The following PPCS variants were observed in gnomAD, a reference collection of about 807,000 sequenced individuals.
PPCS encodes the protein phosphopantothenate--cysteine ligase.
Under a neutral mutation model 24.6 loss-of-function variants are expected in PPCS, and 17 were observed. The observed-to-expected ratio is 0.69, with a 90% CI of 0.47 to 1.04. The LOEUF (loss-of-function observed/expected upper bound fraction) is 1.04. Among genes scored for constraint, PPCS ranks in the 50% least tolerant of loss-of-function variants. The pLI is 0.00. For missense variants in PPCS, 360 were observed against 402.8 expected (o/e 0.89, Z 0.91); for synonymous variants, 190 against 168.3 (o/e 1.13, Z -1.00).
Position 42,460,947 on chromosome 1 carries a change from C to T in PPCS, c.*1021C>T, listed in dbSNP as rs552815572. Reference sequence around the variant, plus strand: ...CCACTGCCCTGCTTAATCTTTGAATCCTTGAGAATCTTTGAAAAACTTTCA... The same window carrying T: ...CCACTGCCCTGCTTAATCTTTGAATTCTTGAGAATCTTTGAAAAACTTTCA... On this transcript the variant is annotated 3_prime_UTR_variant, in exon 3 of 3. Transcript: ENST00000372561. 9.2e-5 allele frequency among the ~76,000 whole-genome samples: 14 copies of T among 152,332 alleles called. 1 individual carries two copies. The highest frequency in any genetic ancestry group is 3.4e-4 in the African/African-American group (14 of 41,574).
Position 42,457,595 on chromosome 1 carries a change from G to A in PPCS, c.612+245G>A, listed in dbSNP as rs897094241. 9.6e-6 allele frequency: 5 copies of A among 522,280 alleles called. No homozygotes were observed. The African/African-American group carries it at 9.6e-5, about 10-fold the overall frequency. The allele number at this position is 522,280 out of a possible 1,614,324, so 32.4% of individuals were successfully genotyped here. A position where few individuals can be genotyped will look rare whatever the true frequency, so the allele number is the denominator to read the frequency against. On this transcript the variant is annotated intron_variant, in intron 2 of 2. Coordinates refer to ENST00000372561, the MANE Select transcript of PPCS (RefSeq NM_024664.4). ...ATGTACAAAGTGCAGTCAGATCATG[G>A]GGCGAGTGAATCCTGGGGGAGTCGA...
chr1:42,465,302 C>T (rs1643536355), downstream of PPCS, among the ~76,000 whole-genome samples: 2 of 152,066 alleles, frequency 1.3e-5, no homozygotes, highest in Non-Finnish European at 2.9e-5. Flanking sequence ...CAGAGTGAGA[C>T]CCTGTCTCAA....
chr1:42,471,301 C>A (rs1431494860), intron 2 of PPCS, among the ~76,000 whole-genome samples: 1 of 152,174 alleles, frequency 6.6e-6, no homozygotes, highest in Non-Finnish European at 1.5e-5. Context: ...CCCTACTCCA[C>A]CCCTACAGCA....
In PPCS at chr1:42,466,981, C is replaced by G. The variant is rs565953501; in HGVS notation, n.378-6141C>G. 1.1e-3 allele frequency among the ~76,000 whole-genome samples: 166 copies of G among 152,276 alleles called. 1 individual carries two copies. The highest frequency in any genetic ancestry group is 2.1e-3 in the Non-Finnish European group (144 of 68,018). On this transcript the variant is annotated intron_variant and non_coding_transcript_variant, in intron 2 of 2. Coordinates refer to the PPCS transcript ENST00000471420. The stretch of plus-strand genomic sequence containing the variant: ...AGAATTTAAAAGTTAATCATCAGGT[C>G]TCAATAAATCCACTGGGAAAATGTT...
chr1:42,456,508 G>C, upstream of PPCS: 1 of 1,430,360 alleles, frequency 7.0e-7, no homozygotes, highest in Non-Finnish European at 9.1e-7. Context: ...AGGTAGGCGA[G>C]AAGGGGCGTG....
intron 2 of PPCS, among the ~76,000 whole-genome samples, chr1:42,470,209 G>C (rs748078291): frequency 6.6e-6 from 1 of 152,088 alleles, no homozygotes; most frequent in Non-Finnish European, 1.5e-5. Context: ...AGGATGTAAT[G>C]GTCCAGAGAT....
chr1:42,462,867 C>A (rs1396177982), downstream of PPCS, among the ~76,000 whole-genome samples: 2 of 152,192 alleles, frequency 1.3e-5, no homozygotes, highest in African/African-American at 4.8e-5. Context: ...ATTTATCTTA[C>A]GTGCCCCACG....
At chr1:42,473,079 G>T (rs1306816752) in intron 2 of PPCS, 1 of 1,221,810 alleles carries the variant, frequency 8.2e-7, no homozygotes, top group Non-Finnish European at 1.0e-6. Context: ...TCAGTTGTGT[G>T]TGTGTGTGTG....
rs764998252 is a variant in PPCS at position 42,459,964 on chromosome 1, C to T, written c.*38C>T. ...TTATAGGATCAAAAATTGTTCAGGGCTCTTAGAGATGGTGAAAACTACAAA... is the reference window on the plus strand; with the variant it reads ...TTATAGGATCAAAAATTGTTCAGGGTTCTTAGAGATGGTGAAAACTACAAA... On this transcript the variant is annotated 3_prime_UTR_variant, in exon 3 of 3. Coordinates refer to ENST00000372561, the MANE Select transcript of PPCS (RefSeq NM_024664.4). 1.0e-5 allele frequency: 16 copies of T among 1,539,852 alleles called. No individual in the cohort carries two copies. Among genetic ancestry groups the T allele is most frequent in the Non-Finnish European group, 1.4e-5 (16 of 1,150,186 alleles).
At position 42,456,845 on chromosome 1, in the gene PPCS, C is replaced by T; in HGVS notation, c.280C>T (p.His94Tyr). 18 of 1,613,536 alleles carry T rather than the reference C, an allele frequency of 1.1e-5. No homozygotes were observed. The highest frequency in any genetic ancestry group is 1.4e-5 in the Non-Finnish European group (16 of 1,180,044). Residue 94 changes from histidine (H) to tyrosine (Y), a missense_variant, in exon 1 of 3, where the codon CAC (histidine) becomes TAC (tyrosine). By Grantham distance (83) the His-to-Tyr change is moderately conservative (BLOSUM62 2). Transcript: ENST00000372561. ...CGCTCGCTCTGCCTTCCCCTATGCC[C>T]ACCGCTTCCCACCCCAGACTTGGCT... ...YRARSAFPYA[H>Y]RFPPQTWLSA... is the part of the protein sequence containing the mutation.
intron 2 of PPCS, chr1:42,459,320 G>C (rs977356654): frequency 7.8e-5 from 28 of 358,244 alleles, no homozygotes; most frequent in African/African-American, 4.9e-4. Context: ...GTGCCACCAT[G>C]CTTGGCTAAT....
upstream of PPCS, chr1:42,456,414 C>A: frequency 2.4e-6 from 2 of 846,410 alleles, no homozygotes; most frequent in Non-Finnish European, 3.5e-6. Flanking sequence ...AACAACTACG[C>A]ATTTCCAGAC....
At position 42,457,610 on chromosome 1, in the gene PPCS, G is replaced by T; in HGVS notation, c.612+260G>T. ...TCAGATCATGGGGCGAGTGAATCCTGGGGGAGTCGATGAAGCTTCTTGGAG... is the reference window on the plus strand; with the variant it reads ...TCAGATCATGGGGCGAGTGAATCCTTGGGGAGTCGATGAAGCTTCTTGGAG... On this transcript the variant is annotated intron_variant, in intron 2 of 2. Coordinates refer to ENST00000372561, the MANE Select transcript of PPCS (RefSeq NM_024664.4). The T allele has an allele frequency of 8.2e-6, 4 of 485,746 alleles. No homozygotes were observed. The South Asian group carries it at 1.0e-4, about 12-fold the overall frequency. 30.1% of individuals were successfully genotyped at this position (485,746 alleles called of 1,614,324 possible).
chr1:42,472,190 G>A (rs774886937), intron 2 of PPCS, among the ~76,000 whole-genome samples: 9 of 152,010 alleles, frequency 5.9e-5, no homozygotes, highest in Admixed American at 1.3e-4. Context: ...GGAGGCAGAG[G>A]TACAGTGAGC....
chr1:42,468,896 A>C (rs997327634), intron 2 of PPCS, among the ~76,000 whole-genome samples: 15 of 152,168 alleles, frequency 9.9e-5, no homozygotes, highest in Non-Finnish European at 1.9e-4. Flanking sequence ...AGCTAAAGGC[A>C]GGGTTTTCCT....
intron 2 of PPCS, among the ~76,000 whole-genome samples, chr1:42,469,554 G>T (rs914212514): frequency 3.3e-5 from 5 of 152,158 alleles, no homozygotes; most frequent in African/African-American, 1.2e-4. Context: ...GATGTCTTGA[G>T]CTGAGGACAA....
intron 2 of PPCS, among the ~76,000 whole-genome samples, chr1:42,466,558 T>G (rs1569664050): frequency 5.6e-5 from 3 of 53,372 alleles, no homozygotes; most frequent in African/African-American, 2.7e-4. Context: ...TTTTGTTTTG[T>G]TTTTTTTTTT....
intron 2 of PPCS, chr1:42,473,048 C>T: frequency 8.3e-7 from 1 of 1,208,306 alleles, no homozygotes; most frequent in African/African-American, 1.6e-5. Flanking sequence ...AAGGTGGCAC[C>T]CACATAGATA....
rs115892424 is a variant in PPCS at position 42,459,520 on chromosome 1, T to G, written c.613-83T>G. 1,036 of 1,197,004 alleles carry G rather than the reference T, an allele frequency of 8.7e-4. 10 individuals are homozygous for G. In the African/African-American group the frequency reaches 0.013, roughly 15 times the overall value. 74.1% of individuals were successfully genotyped at this position (1,197,004 alleles called of 1,614,324 possible). On this transcript the variant is annotated intron_variant, in intron 2 of 2. Coordinates refer to ENST00000372561, the MANE Select transcript of PPCS (RefSeq NM_024664.4). Reference sequence around the variant, plus strand: ...TGATGGTTGAGAAATCCCACTTAAATTTAATTCCTTAGTTTCCCATGAGAT... The same window carrying G: ...TGATGGTTGAGAAATCCCACTTAAAGTTAATTCCTTAGTTTCCCATGAGAT...
Sources: gnomAD v4.1 joint callset for allele counts (sites outside exome capture counted in the v4.1 genomes callset) on GRCh38, gnomAD v4.1.1 for gene constraint, MANE v1.5 for transcripts, NCBI Gene and HGNC (gene_info 2026-07-23, HGNC 2026-07-21) for gene names.